SLIT3: variants seen among roughly 807,000 people sequenced by gnomAD.
SLIT3 encodes the protein slit guidance ligand 3, also known as slit homolog 3 protein.
Under a neutral mutation model 184.0 loss-of-function variants are expected in SLIT3, and 68 were observed. The ratio of observed to expected loss-of-function variants is 0.37; its 90% CI spans 0.30 to 0.45. The LOEUF (loss-of-function observed/expected upper bound fraction) is 0.45. Ranked by LOEUF, SLIT3 falls within the 20% of genes least tolerant of loss-of-function variation. The probability of loss-of-function intolerance (pLI) is 1.00; values close to 1 mark genes in which losing one functional copy is unlikely to be tolerated. For missense variants in SLIT3, 1,707 were observed against 2,026.0 expected (o/e 0.84, Z 3.02); for synonymous variants, 831 against 828.6 (o/e 1.00, Z -0.05).
At chr5:169,126,643 C>T (rs1761090908) in intron 4 of SLIT3, among the ~76,000 whole-genome samples, 1 of 152,234 alleles carries the variant, frequency 6.6e-6, no homozygotes, top group African/African-American at 2.4e-5. Flanking sequence ...GCTCTGCTCC[C>T]TTGACACGAC....
At position 169,262,322 on chromosome 5, in the gene SLIT3, G is replaced by C. The variant is rs150861718; in HGVS notation, c.198-10863C>G. On this transcript the variant is annotated intron_variant, in intron 1 of 35. Transcript: ENST00000519560. Reference sequence around the variant, plus strand: ...GAAGAGAATAAAGATATGGTGAGAGGCAGTGAAGGCACTGCCCTCCCTAGG... The same window carrying C: ...GAAGAGAATAAAGATATGGTGAGAGCCAGTGAAGGCACTGCCCTCCCTAGG... Among the ~76,000 whole-genome samples the C allele has an allele frequency of 2.1e-3, 317 of 152,268 alleles. 1 individual carries two copies. The highest frequency in any genetic ancestry group is 7.4e-3 in the African/African-American group (309 of 41,550).
Position 168,666,398 on chromosome 5 carries a change from C to A in SLIT3, c.*56G>T. 2 of 1,471,532 alleles carry A rather than the reference C, an allele frequency of 1.4e-6. No homozygotes were observed. Among genetic ancestry groups the A allele is most frequent in the Admixed American group, 2.5e-5 (1 of 40,504 alleles). The allele number at this position is 1,471,532 out of a possible 1,614,324, so 91.2% of individuals were successfully genotyped here. On this transcript the variant is annotated 3_prime_UTR_variant, in exon 36 of 36. Coordinates refer to ENST00000519560, the MANE Select transcript of SLIT3 (RefSeq NM_003062.4). ...TGAATCACCAGGGGGTCCCACATGG[C>A]TGTCCCAACTCCATCAAGCTGGAGT...
intron 9 of SLIT3, 53 bp downstream of exon 9, chr5:168,806,393 G>A: frequency 1.2e-6 from 2 of 1,605,120 alleles, no homozygotes; most frequent in Non-Finnish European, 1.7e-6. Flanking sequence ...GCTGGGACAG[G>A]GAGCTGAATT....
intron 4 of SLIT3, among the ~76,000 whole-genome samples, chr5:168,913,952 T>A (rs1428449894): frequency 6.6e-6 from 1 of 152,226 alleles, no homozygotes; most frequent in Non-Finnish European, 1.5e-5. Flanking sequence ...ATATACACAC[T>A]GTTCTACATT....
intron 20 of SLIT3, among the ~76,000 whole-genome samples, chr5:168,736,428 A>T (rs1165442106): frequency 6.6e-6 from 1 of 152,104 alleles, no homozygotes; most frequent in East Asian, 1.9e-4. Flanking sequence ...CTGGAGGCAC[A>T]TTTCAGTCTC....
At chr5:168,794,173 G>T (rs966687030) in intron 10 of SLIT3, among the ~76,000 whole-genome samples, 1 of 152,158 alleles carries the variant, frequency 6.6e-6, no homozygotes, top group African/African-American at 2.4e-5. Flanking sequence ...AATCAGCCTC[G>T]TGTGGAAGGA....
intron 7 of SLIT3, among the ~76,000 whole-genome samples, chr5:168,820,417 T>A (rs1215398083): frequency 6.6e-6 from 1 of 152,222 alleles, no homozygotes; most frequent in Non-Finnish European, 1.5e-5. Context: ...GGCCTCAGTG[T>A]TATCATCTGT....
chr5:168,848,694 G>A (rs369713973), intron 5 of SLIT3, among the ~76,000 whole-genome samples: 1 of 152,090 alleles, frequency 6.6e-6, no homozygotes, highest in Non-Finnish European at 1.5e-5. Context: ...CAGACTCCCC[G>A]AGAGCAGCTT....
chr5:168,953,658 CTGCTGCA>C (rs1400742946), intron 4 of SLIT3, among the ~76,000 whole-genome samples: 1 of 152,198 alleles, frequency 6.6e-6, no homozygotes, highest in Non-Finnish European at 1.5e-5. Flanking sequence ...CCTGTTACCA[CTGCTGCA>C]GAGCCCAGTG....
chr5:168,989,580 T>C (rs1480179520), intron 4 of SLIT3, among the ~76,000 whole-genome samples: 3 of 152,188 alleles, frequency 2.0e-5, no homozygotes, highest in Non-Finnish European at 4.4e-5. Flanking sequence ...CGCGAACTAG[T>C]TGTATCCTAA....
intron 31 of SLIT3, 76 bp downstream of exon 31, chr5:168,685,611 T>TC (rs1761717389): frequency 6.7e-7 from 1 of 1,485,574 alleles, no homozygotes; most frequent in Non-Finnish European, 9.0e-7. Flanking sequence ...GATGGGGCAT[T>TC]CCAGCAATTT....
chr5:168,772,570 T>C lies in SLIT3; in HGVS notation c.1459+211A>G, dbSNP rs188647466. ...CCGTCTCCTCCTCCCCATGCTTTTA[T>C]TGTGTGTGTGTGTGTGTGTGTGTGT... On this transcript the variant is annotated intron_variant, in intron 14 of 35. Coordinates refer to ENST00000519560, the MANE Select transcript of SLIT3 (RefSeq NM_003062.4). 7.0e-3 allele frequency: 3,479 copies of C among 497,242 alleles called. 11 individuals carry two copies. The highest frequency in any genetic ancestry group is 9.9e-3 in the Non-Finnish European group (2,787 of 281,634). 30.8% of individuals were successfully genotyped at this position (497,242 alleles called of 1,614,324 possible). A position where few individuals can be genotyped will look rare whatever the true frequency, so the allele number is the denominator to read the frequency against.
intron 4 of SLIT3, among the ~76,000 whole-genome samples, chr5:169,153,808 T>G (rs1022653595): frequency 2.6e-5 from 4 of 152,200 alleles, no homozygotes; most frequent in African/African-American, 9.7e-5. Context: ...GTGGAGTCTC[T>G]CCTTGAACTC....
At chr5:168,983,626 A>T (rs1402281171) in intron 4 of SLIT3, among the ~76,000 whole-genome samples, 1 of 152,238 alleles carries the variant, frequency 6.6e-6, no homozygotes, top group African/African-American at 2.4e-5. Context: ...CCTCATGTGC[A>T]AAATGGGGGA....
intron 6 of SLIT3, among the ~76,000 whole-genome samples, chr5:168,832,815 C>T (rs35859023): frequency 0.14 from 21,138 of 152,182 alleles, 1,744 homozygotes; most frequent in African/African-American, 0.23. Flanking sequence ...GCAGCTAAAA[C>T]ACCTTGAGTA....
intron 26 of SLIT3, among the ~76,000 whole-genome samples, chr5:168,703,445 G>A (rs187727376): frequency 5.9e-5 from 9 of 152,246 alleles, no homozygotes; most frequent in Admixed American, 2.0e-4. Flanking sequence ...CAGGTCAGCC[G>A]TGGCGTTAGA....
chr5:168,967,435 A>ATTTTTTTTTTTTTT (rs556216624), intron 4 of SLIT3, among the ~76,000 whole-genome samples: 4 of 30,774 alleles, frequency 1.3e-4, no homozygotes, highest in South Asian at 1.7e-3. Flanking sequence ...GCCATCTCAA[A>ATTTTTTTTTTTTTT]TCTTTTTTTT....
chr5:168,768,258 A>T (rs1221670199), intron 14 of SLIT3: 1 of 505,496 alleles, frequency 2.0e-6, no homozygotes, highest in South Asian at 1.5e-5. Flanking sequence ...GACTGGTCAG[A>T]GTCAAGGTCA....
intron 4 of SLIT3, among the ~76,000 whole-genome samples, chr5:169,183,297 C>T (rs297877): frequency 0.79 from 120,493 of 152,164 alleles, 47,983 homozygotes; most frequent in East Asian, 0.87. Context: ...TACTTTCATA[C>T]GTAGTAAAGA....
Sources: gnomAD v4.1 joint callset for allele counts (sites outside exome capture counted in the v4.1 genomes callset) on GRCh38, gnomAD v4.1.1 for gene constraint, MANE v1.5 for transcripts, NCBI Gene and HGNC (gene_info 2026-07-23, HGNC 2026-07-21) for gene names.